The following TMEM108 variants were observed in gnomAD, a reference collection of about 807,000 sequenced individuals.
TMEM108 encodes the protein cancer/testis antigen 124.
In TMEM108, 12 loss-of-function variants were observed where a neutral mutation model predicts 35.1. The observed-to-expected ratio is 0.34, with a 90% CI of 0.22 to 0.55. The LOEUF (loss-of-function observed/expected upper bound fraction) is 0.55, where lower values mean the gene tolerates loss of function less well. Ranked by LOEUF, TMEM108 falls within the 20% of genes least tolerant of loss-of-function variation. The pLI, the probability that TMEM108 is intolerant of heterozygous loss-of-function variation, is 0.89. For missense variants in TMEM108, 680 were observed against 753.3 expected (o/e 0.90, Z 1.14); for synonymous variants, 287 against 308.6 (o/e 0.93, Z 0.73).
intron 2 of TMEM108, among the ~76,000 whole-genome samples, chr3:133,193,251 A>G (rs1211417957): frequency 6.6e-6 from 1 of 152,198 alleles, no homozygotes; most frequent in Non-Finnish European, 1.5e-5. Context: ...AGTTAAAAAA[A>G]AGCTATCAAA....
chr3:133,118,740 G>A (rs1944316696), intron 2 of TMEM108, among the ~76,000 whole-genome samples: 2 of 152,174 alleles, frequency 1.3e-5, no homozygotes, highest in South Asian at 4.1e-4. Flanking sequence ...ACCACTGGTG[G>A]TTCTCCTACC....
intron 1 of TMEM108, among the ~76,000 whole-genome samples, chr3:133,042,247 C>A (rs1943284757): frequency 6.6e-6 from 1 of 152,170 alleles, no homozygotes; most frequent in Non-Finnish European, 1.5e-5. Flanking sequence ...TGCAATTACC[C>A]CAGTCACCTG....
chr3:133,138,968 C>T (rs1334180482), intron 2 of TMEM108, among the ~76,000 whole-genome samples: 2 of 151,726 alleles, frequency 1.3e-5, no homozygotes, highest in Admixed American at 6.6e-5. Flanking sequence ...TCCCTGTGTC[C>T]AAATGTTCTC....
chr3:133,316,739 C>T (rs889803157), intron 3 of TMEM108, among the ~76,000 whole-genome samples: 1 of 152,214 alleles, frequency 6.6e-6, no homozygotes, highest in Non-Finnish European at 1.5e-5. Flanking sequence ...TGGCAAGGTC[C>T]CCAGGGACCC....
chr3:133,139,364 A>G (rs924086408), intron 2 of TMEM108, among the ~76,000 whole-genome samples: 2 of 152,242 alleles, frequency 1.3e-5, no homozygotes, highest in African/African-American at 4.8e-5. Flanking sequence ...TTTGCAAGAA[A>G]AAAACAACCT....
intron 2 of TMEM108, among the ~76,000 whole-genome samples, chr3:133,082,403 C>T (rs563705809): frequency 8.7e-4 from 132 of 152,258 alleles, no homozygotes; most frequent in African/African-American, 3.0e-3. Flanking sequence ...TCGTTGTATG[C>T]GTTGTTACTT....
At chr3:133,049,128 T>C (rs1022197778) in intron 2 of TMEM108, among the ~76,000 whole-genome samples, 2 of 152,180 alleles carry the variant, frequency 1.3e-5, no homozygotes, top group Non-Finnish European at 2.9e-5. Context: ...GTGTTTATGA[T>C]GGGGAGGGCG....
chr3:133,239,221 G>A (rs546948241), intron 3 of TMEM108, among the ~76,000 whole-genome samples: 4 of 152,120 alleles, frequency 2.6e-5, no homozygotes, highest in African/African-American at 4.8e-5. Flanking sequence ...ATTTAGTGGC[G>A]TAGACCAGTT....
At chr3:133,225,935 A>T (rs1946063775) in intron 2 of TMEM108, among the ~76,000 whole-genome samples, 1 of 152,232 alleles carries the variant, frequency 6.6e-6, no homozygotes, top group South Asian at 2.1e-4. Context: ...ACACAGTCTC[A>T]GGAGGTCCTT....
chr3:133,201,812 AC>A (rs1280126128), intron 2 of TMEM108, among the ~76,000 whole-genome samples: 1 of 152,198 alleles, frequency 6.6e-6, no homozygotes, highest in Non-Finnish European at 1.5e-5. Context: ...GTGGGTATAT[AC>A]CCAGTAACAG....
At chr3:133,159,189 T>C (rs1212889051) in intron 2 of TMEM108, among the ~76,000 whole-genome samples, 3 of 152,234 alleles carry the variant, frequency 2.0e-5, no homozygotes, top group Non-Finnish European at 2.9e-5. Context: ...AGCTGCTCTG[T>C]GTGTCCCTTA....
At chr3:133,134,107 A>G (rs934591763) in intron 2 of TMEM108, among the ~76,000 whole-genome samples, 134 of 151,770 alleles carry the variant, frequency 8.8e-4, no homozygotes, top group Non-Finnish European at 1.1e-3. Context: ...ATATATATAT[A>G]CAGTATAGAT....
chr3:133,360,676 GCTGT>G (rs2072319823), intron 3 of TMEM108, among the ~76,000 whole-genome samples: 1 of 152,172 alleles, frequency 6.6e-6, no homozygotes, highest in East Asian at 1.9e-4. Flanking sequence ...CTTTTTGTGC[GCTGT>G]CTCTGATGAT....
chr3:133,331,353 T>G (rs1327610833), intron 3 of TMEM108, among the ~76,000 whole-genome samples: 1 of 152,094 alleles, frequency 6.6e-6, no homozygotes, highest in Non-Finnish European at 1.5e-5. Context: ...CAAGGGTGAG[T>G]ATATGGATTT....
intron 3 of TMEM108, among the ~76,000 whole-genome samples, chr3:133,287,840 A>T (rs983962984): frequency 1.3e-5 from 2 of 152,218 alleles, no homozygotes; most frequent in African/African-American, 4.8e-5. Flanking sequence ...ACTTTGTTGA[A>T]CACAGATAAT....
At chr3:133,089,914 A>T (rs1343163984) in intron 2 of TMEM108, among the ~76,000 whole-genome samples, 2 of 152,212 alleles carry the variant, frequency 1.3e-5, no homozygotes, top group African/African-American at 4.8e-5. Context: ...TTTAATATGT[A>T]GAATTTATTC....
chr3:133,253,397 T>C (rs1461413959), intron 3 of TMEM108: 2 of 152,170 alleles, frequency 1.3e-5, no homozygotes, highest in African/African-American at 4.8e-5. Context: ...GTAAGGTTGT[T>C]TCAACTCTTC....
At chr3:133,088,422 T>A (rs1207119522) in intron 2 of TMEM108, among the ~76,000 whole-genome samples, 1 of 152,156 alleles carries the variant, frequency 6.6e-6, no homozygotes, top group Non-Finnish European at 1.5e-5. Context: ...TGATATAACA[T>A]TAGCCTTGAA....
intron 2 of TMEM108, among the ~76,000 whole-genome samples, chr3:133,200,086 C>T (rs1399277873): frequency 6.6e-6 from 1 of 152,182 alleles, no homozygotes; most frequent in African/African-American, 2.4e-5. Context: ...ATATAATCTC[C>T]TGGTGTGCCG....
Sources: gnomAD v4.1 joint callset for allele counts (sites outside exome capture counted in the v4.1 genomes callset) on GRCh38, gnomAD v4.1.1 for gene constraint, MANE v1.5 for transcripts, NCBI Gene and HGNC (gene_info 2026-07-23, HGNC 2026-07-21) for gene names.